CHCHD6: variants seen among roughly 807,000 people sequenced by gnomAD.
CHCHD6 encodes coiled-coil-helix-coiled-coil-helix domain containing 6, also known as MICOS complex subunit MIC25.
A neutral mutation model predicts 32.3 loss-of-function variants in CHCHD6; 28 were observed. That is an observed-to-expected ratio of 0.87 (90% CI 0.64 to 1.19). The LOEUF (loss-of-function observed/expected upper bound fraction) is 1.19. CHCHD6 is among the 50% of genes most tolerant of loss of function. The probability of loss-of-function intolerance (pLI) is 0.00; values close to 1 mark genes in which losing one functional copy is unlikely to be tolerated. For synonymous variants in CHCHD6, 122 were observed against 117.5 expected, an observed-to-expected ratio of 1.04 and a Z score of -0.25; for missense variants, 333 against 307.0, an observed-to-expected ratio of 1.08 and a Z score of -0.63.
At chr3:126,824,942 A>G (rs1576461316) in intron 4 of CHCHD6, among the ~76,000 whole-genome samples, 3 of 152,086 alleles carry the variant, frequency 2.0e-5, no homozygotes, top group South Asian at 2.1e-4. Context: ...ATCCTTTACT[A>G]TTTATTGTCT....
intron 4 of CHCHD6, among the ~76,000 whole-genome samples, chr3:126,829,555 G>C (rs1377799565): frequency 6.6e-6 from 1 of 151,952 alleles, no homozygotes. Context: ...GTATGTTGAA[G>C]CCCTAATCCT....
intron 6 of CHCHD6, among the ~76,000 whole-genome samples, chr3:126,930,100 G>A (rs10934795): frequency 6.6e-6 from 1 of 151,996 alleles, no homozygotes; most frequent in African/African-American, 2.4e-5. Context: ...GTCTGGAGCT[G>A]TCAGGCCGCT....
chr3:126,913,006 G>A (rs891997309), intron 5 of CHCHD6, among the ~76,000 whole-genome samples: 2 of 152,152 alleles, frequency 1.3e-5, no homozygotes, highest in Non-Finnish European at 2.9e-5. Context: ...GCTTCAGCCA[G>A]GCTAGCTGTG....
At chr3:126,758,527 A>G (rs1054807373) in intron 4 of CHCHD6, among the ~76,000 whole-genome samples, 9 of 152,222 alleles carry the variant, frequency 5.9e-5, no homozygotes, top group African/African-American at 9.6e-5. Context: ...ATGTTTTGGT[A>G]AAAGTGATTT....
At chr3:126,957,746 G>T (rs1180369228) in intron 7 of CHCHD6, 195 bp downstream of exon 7, 2 of 694,524 alleles carry the variant, frequency 2.9e-6, no homozygotes, top group African/African-American at 1.8e-5. Context: ...GCTTCCAGGA[G>T]CGCCTTGGAC....
chr3:126,709,216 C>T (rs1280909168), intron 1 of CHCHD6, among the ~76,000 whole-genome samples: 4 of 152,132 alleles, frequency 2.6e-5, no homozygotes, highest in African/African-American at 9.7e-5. Context: ...TGACTGTAAA[C>T]GTAAATGATT....
intron 5 of CHCHD6, among the ~76,000 whole-genome samples, chr3:126,889,697 G>A (rs1174874135): frequency 6.6e-6 from 1 of 152,226 alleles, no homozygotes; most frequent in Admixed American, 6.5e-5. Context: ...TACCGCCACT[G>A]CACATCTTTC....
chr3:126,955,473 G>A (rs765084031), intron 6 of CHCHD6, among the ~76,000 whole-genome samples: 1 of 152,248 alleles, frequency 6.6e-6, no homozygotes, highest in African/African-American at 2.4e-5. Context: ...GACCTCAATG[G>A]CTAGGATGGG....
intron 4 of CHCHD6, among the ~76,000 whole-genome samples, chr3:126,781,531 G>T (rs1937942424): frequency 6.6e-6 from 1 of 152,200 alleles, no homozygotes; most frequent in Admixed American, 6.5e-5. Context: ...GCATCTGCTG[G>T]CCTCCTGCCT....
chr3:126,882,454 T>G (rs1253319613), intron 5 of CHCHD6, among the ~76,000 whole-genome samples: 4 of 152,250 alleles, frequency 2.6e-5, no homozygotes, highest in Admixed American at 6.5e-5. Flanking sequence ...CAGAGGTTCC[T>G]CTGATGTGAA....
At chr3:126,852,766 G>C (rs1201207011) in intron 5 of CHCHD6, 36 bp downstream of exon 5, 1 of 1,416,458 alleles carries the variant, frequency 7.1e-7, no homozygotes, top group Non-Finnish European at 1.0e-6. Context: ...CTCGGGGCCA[G>C]GTCCTAAAGG....
chr3:126,777,469 AC>A (rs754081864), intron 4 of CHCHD6, among the ~76,000 whole-genome samples: 12 of 152,226 alleles, frequency 7.9e-5, no homozygotes, highest in Non-Finnish European at 1.8e-4. Flanking sequence ...GGGCCATGTT[AC>A]AGAAAAAATG....
chr3:126,884,204 TA>T (rs1293356851), intron 5 of CHCHD6, among the ~76,000 whole-genome samples: 2 of 152,196 alleles, frequency 1.3e-5, no homozygotes, highest in Non-Finnish European at 2.9e-5. Flanking sequence ...GCATAGACTC[TA>T]TGAAAGCACT....
intron 4 of CHCHD6, among the ~76,000 whole-genome samples, chr3:126,775,517 A>G (rs1341716047): frequency 1.3e-5 from 2 of 152,336 alleles, no homozygotes; most frequent in East Asian, 3.9e-4. Flanking sequence ...ATTTGATTTC[A>G]AAAGTCAGTA....
At chr3:126,892,374 A>AGCCCCC (rs1403016627) in intron 5 of CHCHD6, among the ~76,000 whole-genome samples, 1 of 152,220 alleles carries the variant, frequency 6.6e-6, no homozygotes, top group African/African-American at 2.4e-5. Flanking sequence ...CATCCAGCCC[A>AGCCCCC]GCCCCCGACT....
chr3:126,725,683 A>G (rs546248104), intron 1 of CHCHD6, among the ~76,000 whole-genome samples: 5 of 152,218 alleles, frequency 3.3e-5, no homozygotes, highest in Admixed American at 1.3e-4. Context: ...TAGTATTGCT[A>G]CCTTCATCAA....
chr3:126,940,674 C>T (rs542089183), intron 6 of CHCHD6, among the ~76,000 whole-genome samples: 33 of 152,170 alleles, frequency 2.2e-4, no homozygotes, highest in Non-Finnish European at 4.6e-4. Context: ...ACTCCAAAAA[C>T]GCTAGAGAGT....
intron 4 of CHCHD6, among the ~76,000 whole-genome samples, chr3:126,814,803 G>A (rs899045066): frequency 2.6e-5 from 4 of 152,170 alleles, no homozygotes; most frequent in African/African-American, 4.8e-5. Context: ...GGTCATGGGA[G>A]CTCCAACCTA....
chr3:126,759,662 G>C (rs1937090525), intron 4 of CHCHD6, among the ~76,000 whole-genome samples: 1 of 152,138 alleles, frequency 6.6e-6, no homozygotes, highest in African/African-American at 2.4e-5. Flanking sequence ...GCGCTACCGG[G>C]TGATTTTTTG....
Sources: allele counts gnomAD v4.1 joint callset (sites outside exome capture counted in the v4.1 genomes callset), GRCh38; gene constraint gnomAD v4.1.1; transcripts MANE v1.5; gene names NCBI Gene and HGNC (gene_info 2026-07-23, HGNC 2026-07-21).